Variants in SLC5A7 observed in about 807,000 individuals in gnomAD.
SLC5A7 encodes the protein solute carrier family 5 member 7.
A neutral mutation model predicts 55.4 loss-of-function variants in SLC5A7; 19 were observed. The ratio of observed to expected loss-of-function variants is 0.34; its 90% CI spans 0.24 to 0.50. SLC5A7 has a LOEUF of 0.50. Ranked by LOEUF, SLC5A7 falls within the 20% of genes least tolerant of loss-of-function variation. The pLI, the probability that SLC5A7 is intolerant of heterozygous loss-of-function variation, is 0.98. For missense variants in SLC5A7, 506 were observed against 705.3 expected (o/e 0.72, Z 3.20); for synonymous variants, 265 against 263.7 (o/e 1.00, Z -0.05).
chr2:108,010,984 T>A lies in SLC5A7; in HGVS notation c.*123T>A. 1 of 1,078,934 alleles carries A rather than the reference T, an allele frequency of 9.3e-7. No homozygotes were observed. 66.8% of individuals were successfully genotyped at this position (1,078,934 alleles called of 1,614,324 possible). On this transcript the variant is annotated 3_prime_UTR_variant, in exon 9 of 9. Transcript: ENST00000264047. ...AAACAATGTTCAGGAGAGTAAAAAT[T>A]CATATAAAGTGCAATTGCACAAATA...
chr2:107,993,998 A>G (rs916540500), intron 4 of SLC5A7, among the ~76,000 whole-genome samples: 14 of 152,204 alleles, frequency 9.2e-5, no homozygotes, highest in Non-Finnish European at 1.5e-4. Context: ...TGTCTTCTCA[A>G]TAACTTACAT....
chr2:107,994,600 A>AG (rs929358398), intron 4 of SLC5A7, among the ~76,000 whole-genome samples: 13 of 152,212 alleles, frequency 8.5e-5, no homozygotes, highest in African/African-American at 2.9e-4. Flanking sequence ...AGAAAAAAAA[A>AG]GAAACAACTA....
intron 5 of SLC5A7, 33 bp from the exon 6 acceptor site, chr2:108,001,864 C>A: frequency 3.1e-6 from 5 of 1,611,070 alleles, no homozygotes; most frequent in Non-Finnish European, 4.2e-6. Flanking sequence ...TGAAAACCAT[C>A]GCCTAGGGCT....
At chr2:108,001,025 TCAAGCAATTCTCCTGCCTCAGCCTCC>T (rs1677870700) in intron 5 of SLC5A7, among the ~76,000 whole-genome samples, 1 of 151,044 alleles carries the variant, frequency 6.6e-6, no homozygotes, top group Non-Finnish European at 1.5e-5. Flanking sequence ...CCTCCAAGGT[TCAAGCAATTCTCCTGCCTCAGCCTCC>T]CAAGCAGCTG....
chr2:108,001,237 A>G (rs368023509), intron 5 of SLC5A7, among the ~76,000 whole-genome samples: 3 of 151,682 alleles, frequency 2.0e-5, no homozygotes, highest in African/African-American at 7.3e-5. Context: ...GTAGATAGAC[A>G]GTCAGAGATA....
At chr2:108,007,804 T>C (rs1264856765) in intron 7 of SLC5A7, among the ~76,000 whole-genome samples, 1 of 152,208 alleles carries the variant, frequency 6.6e-6, no homozygotes, top group African/African-American at 2.4e-5. Flanking sequence ...TCCATAGTTC[T>C]TCAACACATG....
intron 5 of SLC5A7, among the ~76,000 whole-genome samples, chr2:107,999,580 A>G (rs1240652586): frequency 6.6e-6 from 1 of 152,234 alleles, no homozygotes; most frequent in Non-Finnish European, 1.5e-5. Flanking sequence ...AGAAGGCCCT[A>G]TTGAATTGGT....
At chr2:107,992,260 T>C in intron 3 of SLC5A7, 41 bp downstream of exon 3, 1 of 1,191,584 alleles carries the variant, frequency 8.4e-7, no homozygotes, top group African/African-American at 1.5e-5. Flanking sequence ...CTCAGTAAAG[T>C]ATACAGAACA....
intron 1 of SLC5A7, among the ~76,000 whole-genome samples, chr2:107,987,080 C>T (rs936789482): frequency 2.6e-4 from 40 of 152,066 alleles, no homozygotes; most frequent in African/African-American, 9.7e-4. Flanking sequence ...CTTCTTTTGC[C>T]TCCTTTAAAT....
In SLC5A7 at chr2:108,006,030, C is replaced by A. The variant is rs758950508; in HGVS notation, c.742-19C>A. Reference sequence around the variant, plus strand: ...AATGAATAGATGTTTGCCTCTCCATCCTTGTGTTTCCCGCACAGATGCTGG... The same window carrying A: ...AATGAATAGATGTTTGCCTCTCCATACTTGTGTTTCCCGCACAGATGCTGG... On this transcript the variant is annotated intron_variant, in intron 6 of 8. Coordinates refer to ENST00000264047, the MANE Select transcript of SLC5A7 (RefSeq NM_021815.5). The A allele has an allele frequency of 4.3e-6, 7 of 1,613,584 alleles. No homozygotes were observed. Among genetic ancestry groups the A allele is most frequent in the Admixed American group, 1.7e-5 (1 of 59,958 alleles).
At chr2:108,009,156 T>G (rs1678223493) in intron 8 of SLC5A7, among the ~76,000 whole-genome samples, 1 of 152,110 alleles carries the variant, frequency 6.6e-6, no homozygotes, top group Non-Finnish European at 1.5e-5. Context: ...TTGATTTTCT[T>G]TATTGAATCA....
intron 5 of SLC5A7, among the ~76,000 whole-genome samples, chr2:107,998,647 G>C (rs1226553031): frequency 6.6e-6 from 1 of 152,174 alleles, no homozygotes; most frequent in African/African-American, 2.4e-5. Context: ...CAATACCTAA[G>C]ATGTATCAAA....
rs753048779 is a variant in SLC5A7, at chr2:108,001,980, G to A, written c.681G>A (p.Pro227=). The A allele has an allele frequency of 3.1e-6, 5 of 1,614,196 alleles. No individual in the cohort carries two copies. The highest frequency in any genetic ancestry group is 1.1e-5 in the South Asian group (1 of 91,084). The change falls in exon 6 of 9, where the codon CCG becomes CCA. Residue 227 remains proline (P), a synonymous_variant. Transcript: ENST00000264047. ...FTAVHAKYQK[P]WLGTVDSSEV... ...CTGTGCATGCCAAATACCAAAAGCCGTGGCTGGGAACTGTTGACTCATCTG... is the reference window on the plus strand; with the variant it reads ...CTGTGCATGCCAAATACCAAAAGCCATGGCTGGGAACTGTTGACTCATCTG...
At chr2:108,000,138 A>G (rs1291949298) in intron 5 of SLC5A7, among the ~76,000 whole-genome samples, 1 of 152,088 alleles carries the variant, frequency 6.6e-6, no homozygotes, top group African/African-American at 2.4e-5. Context: ...GCCTGTCACC[A>G]ACAGATGTGG....
chr2:107,995,996 T>C (rs1272035568), intron 4 of SLC5A7, among the ~76,000 whole-genome samples: 1 of 152,174 alleles, frequency 6.6e-6, no homozygotes, highest in Non-Finnish European at 1.5e-5. Context: ...TTAATAGTGA[T>C]AATGGAGAAG....
chr2:107,996,699 C>G (rs1046804071), intron 4 of SLC5A7, among the ~76,000 whole-genome samples: 1 of 152,174 alleles, frequency 6.6e-6, no homozygotes, highest in African/African-American at 2.4e-5. Flanking sequence ...CCAAACTGGT[C>G]ATACCTCAAT....
At chr2:108,009,725 G>C (rs6753566) in intron 8 of SLC5A7, among the ~76,000 whole-genome samples, 56,080 of 151,956 alleles carry the variant, frequency 0.37, 10,795 homozygotes, top group East Asian at 0.69. Context: ...TGGGCATTTG[G>C]GTTGGTTCCA....
At chr2:107,987,764 G>T (rs1677302303) in intron 1 of SLC5A7, among the ~76,000 whole-genome samples, 1 of 152,132 alleles carries the variant, frequency 6.6e-6, no homozygotes, top group African/African-American at 2.4e-5. Flanking sequence ...GCTACTCTTT[G>T]TAAATGATTT....
chr2:108,001,399 C>T (rs1018707419), intron 5 of SLC5A7, among the ~76,000 whole-genome samples: 4 of 152,062 alleles, frequency 2.6e-5, no homozygotes, highest in East Asian at 3.9e-4. Flanking sequence ...TGTGGCCGGG[C>T]GCGGTGGCTC....
Sources: allele counts gnomAD v4.1 joint callset (sites outside exome capture counted in the v4.1 genomes callset), GRCh38; gene constraint gnomAD v4.1.1; transcripts MANE v1.5; gene names NCBI Gene and HGNC (gene_info 2026-07-23, HGNC 2026-07-21).